Variants in HKDC1 observed in about 807,000 individuals in gnomAD.
HKDC1 encodes the protein hexokinase HKDC1.
Under a neutral mutation model 96.6 loss-of-function variants are expected in HKDC1, and 66 were observed. That is an observed-to-expected ratio of 0.68 (90% CI 0.56 to 0.84). The LOEUF is 0.84. Ranked by LOEUF, HKDC1 falls within the 40% of genes least tolerant of loss-of-function variation. The probability of loss-of-function intolerance (pLI) is 0.00; values close to 1 mark genes in which losing one functional copy is unlikely to be tolerated. For synonymous variants in HKDC1, 466 were observed against 473.1 expected, an observed-to-expected ratio of 0.98 and a Z score of 0.20; for missense variants, 1,211 against 1,208.1, an observed-to-expected ratio of 1.00 and a Z score of -0.04.
At chr10:69,227,535 G>A (rs1843179999) in intron 2 of HKDC1, among the ~76,000 whole-genome samples, 166 bp downstream of exon 2, 1 of 148,072 alleles carries the variant, frequency 6.8e-6, no homozygotes, top group African/African-American at 2.5e-5. Context: ...CCCTCTTGCA[G>A]TTCTGCAGTT....
rs1220348053 is a variant in HKDC1 at position 69,243,319 on chromosome 10, T to C, written c.829T>C (p.Phe277Leu). The C allele has an allele frequency of 3.1e-6, 5 of 1,611,344 alleles. No homozygotes were observed. Among genetic ancestry groups the C allele is most frequent in the Non-Finnish European group, 4.2e-6 (5 of 1,178,630 alleles). The stretch of plus-strand genomic sequence containing the variant: ...GGCCCTGGAGGACATTCGCACTGAG[T>C]TCGACAGGGAGCTGGACCTCGGCTC... ...DGALEDIRTE[F>L]DRELDLGSLN... Residue 277 changes from phenylalanine to leucine, a missense_variant, in exon 7 of 18, where the codon TTC becomes CTC. Physicochemically the swap from Phe to Leu is conservative, Grantham distance 22 (BLOSUM62 0). Coordinates refer to ENST00000354624, the MANE Select transcript of HKDC1 (RefSeq NM_025130.4).
rs188227521 is a variant in HKDC1, at chr10:69,258,977, G to A, written c.2216+18G>A. 7.3e-6 allele frequency: 11 copies of A among 1,517,046 alleles called. No individual in the cohort carries two copies. The highest frequency in any genetic ancestry group is 9.7e-6 in the Non-Finnish European group (11 of 1,135,184). The allele number at this position is 1,517,046 out of a possible 1,614,324, so 94.0% of individuals were successfully genotyped here. A position where few individuals can be genotyped will look rare whatever the true frequency, so the allele number is the denominator to read the frequency against. On this transcript the variant is annotated intron_variant, in intron 15 of 17. Coordinates refer to ENST00000354624, the MANE Select transcript of HKDC1 (RefSeq NM_025130.4). ...AAGCAGAGGTGAAGAGGGTGGATGT[G>A]TGCATTTATGTGGGTTGTGTAGTGA... is the stretch of plus-strand genomic sequence containing the variant.
chr10:69,241,218 C>T (rs11812911), intron 6 of HKDC1, among the ~76,000 whole-genome samples: 8,060 of 152,094 alleles, frequency 0.053, 308 homozygotes, highest in Admixed American at 0.092. Flanking sequence ...GGAGTCCCTG[C>T]CAAAGGAAAG....
At chr10:69,225,000 A>G (rs750655522) in intron 1 of HKDC1, among the ~76,000 whole-genome samples, 6 of 152,156 alleles carry the variant, frequency 3.9e-5, no homozygotes, top group Non-Finnish European at 8.8e-5. Context: ...TTTCCCTTCT[A>G]ACAACTGTTC....
chr10:69,247,117 G>A (rs534439869), intron 8 of HKDC1, among the ~76,000 whole-genome samples: 7 of 152,296 alleles, frequency 4.6e-5, no homozygotes, highest in Middle Eastern at 3.4e-3. Flanking sequence ...GGTGCCTCCC[G>A]CAGGATTTTT....
At chr10:69,262,710 G>T (rs891791813) in intron 16 of HKDC1, among the ~76,000 whole-genome samples, 2 of 152,156 alleles carry the variant, frequency 1.3e-5, no homozygotes, top group African/African-American at 4.8e-5. Flanking sequence ...GAGGATGGTG[G>T]AATCAGTAAC....
chr10:69,262,987 T>C (rs77607834), intron 16 of HKDC1, among the ~76,000 whole-genome samples: 5,885 of 152,232 alleles, frequency 0.039, 144 homozygotes, highest in Middle Eastern at 0.12. Context: ...AACACTCTTA[T>C]GCCACCAGAA....
chr10:69,247,937 G>T (rs1192733940), intron 9 of HKDC1, among the ~76,000 whole-genome samples: 1 of 152,128 alleles, frequency 6.6e-6, no homozygotes, highest in Non-Finnish European at 1.5e-5. Flanking sequence ...TGTGGTTAAG[G>T]CTGGGAAGTA....
intron 16 of HKDC1, chr10:69,265,226 G>A (rs1202884583): frequency 1.8e-5 from 4 of 226,460 alleles, no homozygotes; most frequent in Non-Finnish European, 3.4e-5. Context: ...TTGAGCCCCT[G>A]CTCTCTAACG....
intron 5 of HKDC1, among the ~76,000 whole-genome samples, 200 bp from the exon 6 acceptor site, chr10:69,240,452 C>T (rs1200457631): frequency 6.6e-6 from 1 of 152,146 alleles, no homozygotes; most frequent in African/African-American, 2.4e-5. Context: ...AGGATGGGCT[C>T]CCCTCTTCAG....
intron 16 of HKDC1, among the ~76,000 whole-genome samples, chr10:69,262,371 T>C (rs1300847287): frequency 6.6e-6 from 1 of 152,188 alleles, no homozygotes; most frequent in African/African-American, 2.4e-5. Flanking sequence ...TCCTTAGTAG[T>C]AGAAACATTT....
chr10:69,222,247 G>C (rs1417849762), intron 1 of HKDC1, among the ~76,000 whole-genome samples: 1 of 152,106 alleles, frequency 6.6e-6, no homozygotes, highest in Non-Finnish European at 1.5e-5. Flanking sequence ...AAGAGAGAGA[G>C]GAAGTGTGGC....
intron 16 of HKDC1, among the ~76,000 whole-genome samples, chr10:69,263,037 G>A (rs1180447487): frequency 1.3e-5 from 2 of 152,010 alleles, no homozygotes; most frequent in African/African-American, 2.4e-5. Flanking sequence ...TGTTTTGGAT[G>A]TTTTGATTTC....
chr10:69,224,661 G>A (rs998508288), intron 1 of HKDC1, among the ~76,000 whole-genome samples: 18 of 152,198 alleles, frequency 1.2e-4, no homozygotes, highest in African/African-American at 4.3e-4. Context: ...CTGGGTCAAA[G>A]AGCGGAATTT....
chr10:69,253,227 T>C (rs1306327547), intron 12 of HKDC1, among the ~76,000 whole-genome samples: 1 of 152,112 alleles, frequency 6.6e-6, no homozygotes. Flanking sequence ...CAGTGGGTCA[T>C]GGGGCCTCGG....
intron 2 of HKDC1, among the ~76,000 whole-genome samples, chr10:69,228,658 A>C (rs1027382097): frequency 2.0e-5 from 3 of 152,070 alleles, no homozygotes; most frequent in African/African-American, 7.2e-5. Context: ...TTGAGGTCAG[A>C]TGCTCGAGAC....
chr10:69,248,381 G>T, intron 9 of HKDC1, 43 bp from the exon 10 acceptor site: 1 of 1,524,826 alleles, frequency 6.6e-7, no homozygotes, highest in Non-Finnish European at 8.8e-7. Context: ...CCTGAGCCTG[G>T]CCTTTATGAT....
chr10:69,237,883 C>G (rs892949281), intron 4 of HKDC1, among the ~76,000 whole-genome samples: 9 of 152,172 alleles, frequency 5.9e-5, no homozygotes, highest in Admixed American at 5.2e-4. Flanking sequence ...CTCTCAATCC[C>G]AGCGTTTTTA....
chr10:69,241,375 T>G (rs866487397), intron 6 of HKDC1, among the ~76,000 whole-genome samples: 1 of 152,104 alleles, frequency 6.6e-6, no homozygotes, highest in Non-Finnish European at 1.5e-5. Context: ...CTGGGCAGAT[T>G]GCACAGGATG....
Sources: allele counts gnomAD v4.1 joint callset (sites outside exome capture counted in the v4.1 genomes callset), GRCh38; gene constraint gnomAD v4.1.1; transcripts MANE v1.5; gene names NCBI Gene and HGNC (gene_info 2026-07-23, HGNC 2026-07-21).